Variants in AKAP19 observed in about 807,000 individuals in gnomAD.
AKAP19 encodes the protein small A-kinase anchoring protein.
the AKAP19 span, among the ~76,000 whole-genome samples, chr2:190,077,647 T>C: frequency 2.0e-5 from 3 of 152,172 alleles, no homozygotes; most frequent in African/African-American, 7.2e-5. Context: ...CTATTGACTG[T>C]TTTTTCCCCT....
chr2:189,914,992 G>A, the AKAP19 span, among the ~76,000 whole-genome samples: 6 of 152,092 alleles, frequency 3.9e-5, no homozygotes, highest in African/African-American at 9.7e-5. Context: ...AATTACGTGC[G>A]AAGTAAATTT....
chr2:189,928,682 T>C, the AKAP19 span, among the ~76,000 whole-genome samples: 2 of 152,146 alleles, frequency 1.3e-5, no homozygotes, highest in Non-Finnish European at 2.9e-5. Context: ...AACATATGGA[T>C]ACTATAGTTG....
At chr2:190,003,594 T>C in the AKAP19 span, among the ~76,000 whole-genome samples, 1 of 152,196 alleles carries the variant, frequency 6.6e-6, no homozygotes, top group African/African-American at 2.4e-5. Context: ...CCAGGCGCGG[T>C]GGCTCACGCC....
chr2:189,952,239 C>T, the AKAP19 span, among the ~76,000 whole-genome samples: 2 of 152,122 alleles, frequency 1.3e-5, no homozygotes, highest in Non-Finnish European at 2.9e-5. Context: ...TTCCCTGTTA[C>T]TCTGTCTTAT....
the AKAP19 span, chr2:190,060,397 A>G: frequency 6.2e-7 from 1 of 1,610,898 alleles, no homozygotes; most frequent in South Asian, 1.1e-5. Context: ...TTAAAGAAGC[A>G]ACATTTGGGT....
At chr2:190,094,299 C>A in the AKAP19 span, among the ~76,000 whole-genome samples, 1 of 152,076 alleles carries the variant, frequency 6.6e-6, no homozygotes, top group African/African-American at 2.4e-5. Context: ...TCCCCTAGTG[C>A]CTTTAGTGTA....
chr2:190,151,208 A>G, the AKAP19 span, among the ~76,000 whole-genome samples: 2 of 151,984 alleles, frequency 1.3e-5, no homozygotes, highest in African/African-American at 4.8e-5. Flanking sequence ...TGCTATCCAG[A>G]TTTTTTTTAA....
chr2:190,010,079 A>G, the AKAP19 span, among the ~76,000 whole-genome samples: 7 of 152,354 alleles, frequency 4.6e-5, no homozygotes, highest in Admixed American at 2.0e-4. Context: ...TCATGTGTTG[A>G]CAGAAGTGAT....
the AKAP19 span, among the ~76,000 whole-genome samples, chr2:190,038,971 T>TTC: frequency 3.8e-3 from 372 of 98,624 alleles, 1 homozygote; most frequent in East Asian, 8.2e-3. Flanking sequence ...CTTCTTCTTC[T>TTC]TTCTTCTTCT....
At chr2:190,060,700 G>C in the AKAP19 span, among the ~76,000 whole-genome samples, 1 of 151,994 alleles carries the variant, frequency 6.6e-6, no homozygotes, top group Non-Finnish European at 1.5e-5. Context: ...ACAAAGGAAG[G>C]TTCTATGAAG....
At chr2:189,915,545 A>C in the AKAP19 span, among the ~76,000 whole-genome samples, 1 of 152,094 alleles carries the variant, frequency 6.6e-6, no homozygotes, top group Non-Finnish European at 1.5e-5. Context: ...TGTTTGTGTC[A>C]ATTTGATTTT....
At chr2:190,094,976 G>A in the AKAP19 span, among the ~76,000 whole-genome samples, 1 of 152,212 alleles carries the variant, frequency 6.6e-6, no homozygotes, top group African/African-American at 2.4e-5. Flanking sequence ...GGTAATCCCA[G>A]CACTTTGAGA....
chr2:190,121,931 T>G, the AKAP19 span, among the ~76,000 whole-genome samples: 1 of 152,182 alleles, frequency 6.6e-6, no homozygotes, highest in Non-Finnish European at 1.5e-5. Flanking sequence ...GATGATGTGT[T>G]TTGCTGATGA....
At chr2:190,109,044 A>G in the AKAP19 span, among the ~76,000 whole-genome samples, 1 of 152,166 alleles carries the variant, frequency 6.6e-6, no homozygotes, top group African/African-American at 2.4e-5. Flanking sequence ...AGATGTCTTC[A>G]TAGTATCCTT....
the AKAP19 span, among the ~76,000 whole-genome samples, chr2:190,175,401 T>A: frequency 6.6e-6 from 1 of 152,204 alleles, no homozygotes. Context: ...GCTTATATAG[T>A]TGTAAATATA....
chr2:190,008,772 C>CACA, the AKAP19 span, among the ~76,000 whole-genome samples: 378 of 34,230 alleles, frequency 0.011, 3 homozygotes, highest in Non-Finnish European at 0.018. Flanking sequence ...ACACACACAC[C>CACA]CACCTGGTCT....
the AKAP19 span, among the ~76,000 whole-genome samples, chr2:189,950,906 TC>T: frequency 1.3e-5 from 2 of 152,160 alleles, no homozygotes; most frequent in Non-Finnish European, 1.5e-5. Flanking sequence ...TGGCTCTCTA[TC>T]CCTGTTATTA....
the AKAP19 span, among the ~76,000 whole-genome samples, chr2:190,005,126 G>A: frequency 6.6e-6 from 1 of 152,166 alleles, no homozygotes; most frequent in East Asian, 1.9e-4. Flanking sequence ...TTCCCAGTGA[G>A]TGTTACAGCT....
the AKAP19 span, among the ~76,000 whole-genome samples, chr2:190,019,990 A>T: frequency 4.6e-5 from 7 of 152,276 alleles, no homozygotes; most frequent in Middle Eastern, 3.4e-3. Flanking sequence ...GGGACCTCCT[A>T]TTCTGCTATC....
Sources: allele counts gnomAD v4.1 joint callset (sites outside exome capture counted in the v4.1 genomes callset), GRCh38; gene constraint gnomAD v4.1.1; transcripts MANE v1.5; gene names NCBI Gene and HGNC (gene_info 2026-07-23, HGNC 2026-07-21).